The following CYP4F22 variants were observed in gnomAD, a reference collection of about 807,000 sequenced individuals.
CYP4F22 encodes the protein cytochrome P450 family 4 subfamily F member 22.
CYP4F22 carries 37 observed loss-of-function variants against 60.4 expected under a neutral mutation model. The ratio of observed to expected loss-of-function variants is 0.61; its 90% confidence interval spans 0.47 to 0.81. The LOEUF (loss-of-function observed/expected upper bound fraction) is 0.81. CYP4F22 is among the 30% of genes least tolerant of loss of function. The pLI, the probability that CYP4F22 is intolerant of heterozygous loss-of-function variation, is 0.00. For missense variants in CYP4F22, 655 were observed against 715.0 expected (o/e 0.92, Z 0.96); for synonymous variants, 258 against 280.5 (o/e 0.92, Z 0.80).
chr19:15,531,618 G>A (rs770544000), intron 4 of CYP4F22, among the ~76,000 whole-genome samples: 27 of 152,180 alleles, frequency 1.8e-4, no homozygotes, highest in Admixed American at 1.0e-3. Flanking sequence ...TAGACCTTGG[G>A]AGGGAGAATT....
rs368699374 is a variant in CYP4F22 at position 15,543,997 on chromosome 19, C to T, written c.966C>T (p.Asp322=). 1.7e-5 allele frequency: 28 copies of T among 1,614,006 alleles called. No homozygotes were observed. The highest frequency in any genetic ancestry group is 3.3e-4 in the Middle Eastern group (2 of 6,060). Residue 322 remains aspartate (D), a synonymous_variant, in exon 9 of 14, where the codon GAC becomes GAT. Transcript: ENST00000269703. ...ARDEDGKELS[D]EDIRAEADTF... The stretch of plus-strand genomic sequence containing the variant: ...ATGAAGATGGAAAGGAACTGTCAGA[C>T]GAGGATATCCGAGCCGAAGCAGACA...
chr19:15,543,885 G>A, intron 8 of CYP4F22, 86 bp from the exon 9 acceptor site: 4 of 1,411,330 alleles, frequency 2.8e-6, no homozygotes, highest in Non-Finnish European at 4.0e-6. Flanking sequence ...AAAGATGGGG[G>A]CGGGGAGATA....
chr19:15,551,535 C>T lies in CYP4F22; in HGVS notation c.*64C>T. 1 of 1,520,014 alleles carries T rather than the reference C, an allele frequency of 6.6e-7. No individual in the cohort carries two copies. The allele number at this position is 1,520,014 out of a possible 1,614,324, so 94.2% of individuals were successfully genotyped here. A position where few individuals can be genotyped will look rare whatever the true frequency, so the allele number is the denominator to read the frequency against. ...CCGCCCCCAAAGGACCAGGACTCGC[C>T]CCAAAGATCCCGAGGGCATAGGCCA... On this transcript the variant is annotated 3_prime_UTR_variant, in exon 14 of 14. Coordinates refer to ENST00000269703, the MANE Select transcript of CYP4F22 (RefSeq NM_173483.4).
chr19:15,551,483 C>A lies in CYP4F22; in HGVS notation c.*12C>A. 1 of 1,550,510 alleles carries A rather than the reference C, an allele frequency of 6.4e-7. No individual in the cohort carries two copies. On this transcript the variant is annotated 3_prime_UTR_variant, in exon 14 of 14. Coordinates refer to ENST00000269703, the MANE Select transcript of CYP4F22 (RefSeq NM_173483.4). ...CTCCGCGGGCCTGAGCGTGGGCGCGCCCCTGCGGCTCCCGAGGGTCCAGGC... is the reference window on the plus strand; with the variant it reads ...CTCCGCGGGCCTGAGCGTGGGCGCGACCCTGCGGCTCCCGAGGGTCCAGGC...
chr19:15,547,968 T>TGGGAGAGA (rs1971545579), intron 10 of CYP4F22, 140 bp from the exon 11 acceptor site: 1 of 1,019,134 alleles, frequency 9.8e-7, no homozygotes, highest in African/African-American at 2.4e-5. Context: ...CAGCTGCCCC[T>TGGGAGAGA]GAGAGAGAGA....
In CYP4F22 at chr19:15,544,200, A is replaced by G; in HGVS notation, c.1057A>G (p.Lys353Glu). Residue 353 changes from lysine to glutamate, a missense_variant, in exon 10 of 14, where the codon AAG becomes GAG. By Grantham distance (56) the Lys-to-Glu change is moderately conservative (BLOSUM62 1). This residue lies in a region of CYP4F22 where 74 missense variants were observed against 118.4 expected (regional missense o/e 0.62). Transcript: ENST00000269703. ...CTCTTGGATGCTGTTCAATTTGGCA[A>G]AGTATCCGGAATACCAGGAGAAATG... is the stretch of plus-strand genomic sequence containing the variant. ...GISWMLFNLA[K>E]YPEYQEKCRE... The G allele has an allele frequency of 6.2e-7, 1 of 1,614,130 alleles. No individual in the cohort carries two copies. The highest frequency in any genetic ancestry group is 8.5e-7 in the Non-Finnish European group (1 of 1,180,038).
chr19:15,531,344 C>G (rs1407762111), intron 4 of CYP4F22, among the ~76,000 whole-genome samples: 1 of 149,774 alleles, frequency 6.7e-6, no homozygotes, highest in Admixed American at 6.7e-5. Flanking sequence ...TGCACCACTG[C>G]TGTACTCCAG....
intron 1 of CYP4F22, among the ~76,000 whole-genome samples, chr19:15,511,978 C>T (rs1354551944): frequency 1.3e-5 from 2 of 152,204 alleles, no homozygotes; most frequent in Non-Finnish European, 2.9e-5. Flanking sequence ...GGCGGGCCTG[C>T]TGGATGAGAT....
intron 8 of CYP4F22, among the ~76,000 whole-genome samples, chr19:15,542,432 G>A (rs1006112455): frequency 6.6e-6 from 1 of 152,100 alleles, no homozygotes; most frequent in Non-Finnish European, 1.5e-5. Flanking sequence ...AGCTCCTCTG[G>A]AGGCTGAGGC....
intron 7 of CYP4F22, among the ~76,000 whole-genome samples, chr19:15,538,698 G>A (rs6512044): frequency 0.52 from 79,336 of 151,952 alleles, 21,234 homozygotes; most frequent in East Asian, 0.88. Flanking sequence ...TAATGACTTC[G>A]TTACTCTAGG....
chr19:15,525,682 T>G (rs1971275648), intron 3 of CYP4F22, 124 bp downstream of exon 3: 2 of 933,614 alleles, frequency 2.1e-6, no homozygotes, highest in African/African-American at 1.6e-5. Context: ...AGCAGCAGAT[T>G]TATATGATGG....
chr19:15,525,313 C>A (rs1599795859), intron 2 of CYP4F22, 23 bp from the exon 3 acceptor site: 3 of 1,609,644 alleles, frequency 1.9e-6, no homozygotes, highest in Non-Finnish European at 2.5e-6. Flanking sequence ...TGGCACCGAC[C>A]CCCTGACCCT....
chr19:15,528,289 CA>C (rs929592199), intron 3 of CYP4F22, among the ~76,000 whole-genome samples: 2 of 152,166 alleles, frequency 1.3e-5, no homozygotes, highest in East Asian at 1.9e-4. Flanking sequence ...CCAGTTTTTA[CA>C]AAAAAATTAA....
At chr19:15,509,889 C>CCTTCTTTCTTTCT (rs1971064035) in intron 1 of CYP4F22, among the ~76,000 whole-genome samples, 1 of 117,338 alleles carries the variant, frequency 8.5e-6, no homozygotes, top group Admixed American at 9.1e-5. Context: ...TCCTTCCTTC[C>CCTTCTTTCTTTCT]TTCCTTCCTT....
In CYP4F22 at chr19:15,551,443, A is replaced by C. The variant is rs759342592; in HGVS notation, c.1568A>C (p.Lys523Thr). ...ILRTENGLWL[K>T]VEPLPPRA ...CGCACGGAGAACGGGCTCTGGCTCAAGGTGGAGCCGCTGCCTCCGCGGGCC... is the reference window on the plus strand; with the variant it reads ...CGCACGGAGAACGGGCTCTGGCTCACGGTGGAGCCGCTGCCTCCGCGGGCC... The change falls in exon 14 of 14, where the codon AAG becomes ACG. Residue 523 changes from lysine (K) to threonine (T), a missense_variant. Around this residue, in one of 3 missense-constraint regions of CYP4F22, gnomAD observed 151 missense variants for 139.4 expected, o/e 1.08. Coordinates refer to ENST00000269703, the MANE Select transcript of CYP4F22 (RefSeq NM_173483.4). 2 of 1,575,304 alleles carry C rather than the reference A, an allele frequency of 1.3e-6. No homozygotes were observed. Among genetic ancestry groups the C allele is most frequent in the African/African-American group, 2.7e-5 (2 of 73,818 alleles).
intron 10 of CYP4F22, among the ~76,000 whole-genome samples, chr19:15,546,916 G>T (rs901435985): frequency 9.9e-5 from 15 of 150,862 alleles, no homozygotes; most frequent in African/African-American, 3.4e-4. Flanking sequence ...TCTCTTTGTT[G>T]CCCAGGCTGG....
Position 15,510,966 on chromosome 19 carries a change from A to AT in CYP4F22, c.-109+2400dup, listed in dbSNP as rs1555726127. ...ATACCATATATATATATATATATAT[A>AT]TTTTTTTTTTTTTTTTTGAGATGGA... On this transcript the variant is annotated intron_variant, in intron 1 of 13. Transcript: ENST00000269703. Among the ~76,000 whole-genome samples, 681 of 103,304 alleles carry AT rather than the reference A, an allele frequency of 6.6e-3. 10 individuals are homozygous for AT. Among genetic ancestry groups the AT allele is most frequent in the African/African-American group, 0.014 (310 of 21,764 alleles). The allele number at this position is 103,304 out of a possible 152,430, so 67.8% of individuals were successfully genotyped here. A position where few individuals can be genotyped will look rare whatever the true frequency, so the allele number is the denominator to read the frequency against.
chr19:15,543,972 A>G lies in CYP4F22; in HGVS notation c.941A>G (p.Asp314Gly), dbSNP rs770465694. 31 of 1,613,792 alleles carry G rather than the reference A, an allele frequency of 1.9e-5. No individual in the cohort carries two copies. The highest frequency in any genetic ancestry group is 2.5e-5 in the Non-Finnish European group (30 of 1,180,008). Reference sequence around the variant, plus strand: ...AGCACCCTCTACTGCCCATTCCAGGATGAAGATGGAAAGGAACTGTCAGAC... The same window carrying G: ...AGCACCCTCTACTGCCCATTCCAGGGTGAAGATGGAAAGGAACTGTCAGAC... ...DFIDVLLLARDEDGKELSDED... is the reference protein window; with the variant it reads ...DFIDVLLLARGEDGKELSDED... The change falls in exon 9 of 14, where the codon GAT (aspartate) becomes GGT (glycine). Residue 314 changes from aspartate (D) to glycine (G), a missense_variant and splice_region_variant. This residue lies in a region of CYP4F22 where 430 missense variants were observed against 457.1 expected (regional missense o/e 0.94). Transcript: ENST00000269703.
chr19:15,546,581 C>CA (rs1971528757), intron 10 of CYP4F22, among the ~76,000 whole-genome samples: 1 of 151,528 alleles, frequency 6.6e-6, no homozygotes, highest in Non-Finnish European at 1.5e-5. Context: ...AAGACGCCAT[C>CA]AAAAAAGAAA....
Sources: allele counts gnomAD v4.1 joint callset (sites outside exome capture counted in the v4.1 genomes callset), GRCh38; gene constraint gnomAD v4.1.1; regional missense constraint gnomAD v4.1.1; transcripts MANE v1.5; gene names NCBI Gene and HGNC (gene_info 2026-07-23, HGNC 2026-07-21).